Variants in TXNRD1 observed in about 807,000 individuals in gnomAD.
The protein encoded by TXNRD1 is thioredoxin reductase 1, cytoplasmic.
Under a neutral mutation model 80.3 loss-of-function variants are expected in TXNRD1, and 57 were observed. That is an observed-to-expected ratio of 0.71 (90% CI 0.57 to 0.89). The LOEUF (loss-of-function observed/expected upper bound fraction) is 0.89. Among genes scored for constraint, TXNRD1 ranks in the 40% least tolerant of loss-of-function variants. The probability of loss-of-function intolerance (pLI) is 0.00; values close to 1 mark genes in which losing one functional copy is unlikely to be tolerated. For missense variants in TXNRD1, 730 were observed against 803.0 expected (o/e 0.91, Z 1.10); for synonymous variants, 291 against 285.2 (o/e 1.02, Z -0.20).
chr12:104,263,618 C>A (rs2033415140), intron 3 of TXNRD1, among the ~76,000 whole-genome samples: 1 of 152,162 alleles, frequency 6.6e-6, no homozygotes, highest in African/African-American at 2.4e-5. Context: ...AAGGAACAGA[C>A]AACATCAGTG....
chr12:104,261,093 A>G (rs1032474216), intron 3 of TXNRD1, among the ~76,000 whole-genome samples: 1 of 152,092 alleles, frequency 6.6e-6, no homozygotes, highest in African/African-American at 2.4e-5. Flanking sequence ...GTCCCAGAAA[A>G]TAAGCATTGG....
At chr12:104,330,350 G>C (rs1466522849) in intron 13 of TXNRD1, among the ~76,000 whole-genome samples, 2 of 152,274 alleles carry the variant, frequency 1.3e-5, no homozygotes, top group East Asian at 3.9e-4. Context: ...CATATTAAAA[G>C]TTCTGAGAAA....
intron 1 of TXNRD1, among the ~76,000 whole-genome samples, chr12:104,245,542 A>AAAAAAAAAAAT (rs1394148149): frequency 1.4e-5 from 2 of 146,752 alleles, no homozygotes; most frequent in Non-Finnish European, 3.0e-5. Flanking sequence ...AAAAAAAAAA[A>AAAAAAAAAAAT]GAATACTGAG....
chr12:104,243,747 C>A (rs982675452), intron 1 of TXNRD1, among the ~76,000 whole-genome samples: 4 of 152,178 alleles, frequency 2.6e-5, no homozygotes, highest in African/African-American at 9.7e-5. Context: ...GAGTGGCGTG[C>A]TATAAAATTT....
intron 6 of TXNRD1, among the ~76,000 whole-genome samples, chr12:104,314,160 G>C (rs562822827): frequency 2.1e-4 from 32 of 152,284 alleles, no homozygotes; most frequent in Non-Finnish European, 4.6e-4. Flanking sequence ...AGGAAGGCAG[G>C]TGTCACTATT....
At chr12:104,315,194 C>T (rs1168430421) in intron 6 of TXNRD1, among the ~76,000 whole-genome samples, 1 of 152,156 alleles carries the variant, frequency 6.6e-6, no homozygotes, top group Non-Finnish European at 1.5e-5. Flanking sequence ...CTGATAAAAT[C>T]CTTTGTAAGT....
intron 3 of TXNRD1, among the ~76,000 whole-genome samples, chr12:104,268,825 A>G (rs2135722289): frequency 6.6e-6 from 1 of 151,348 alleles, no homozygotes; most frequent in South Asian, 2.1e-4. Context: ...CGTACAGTAG[A>G]GCTTCTTTCA....
At chr12:104,258,122 C>T in intron 3 of TXNRD1, 43 bp downstream of exon 3, 1 of 1,335,300 alleles carries the variant, frequency 7.5e-7, no homozygotes, top group South Asian at 1.3e-5. Context: ...GCTGACTGTA[C>T]ATTTTATCTC....
intron 4 of TXNRD1, among the ~76,000 whole-genome samples, chr12:104,308,567 T>C (rs2035016369): frequency 6.6e-6 from 1 of 152,176 alleles, no homozygotes; most frequent in Admixed American, 6.5e-5. Flanking sequence ...TCTAATATAG[T>C]AAATAGATAA....
chr12:104,220,953 A>G (rs1279749109), intron 1 of TXNRD1, among the ~76,000 whole-genome samples: 1 of 152,144 alleles, frequency 6.6e-6, no homozygotes, highest in East Asian at 1.9e-4. Context: ...TGACTATCAC[A>G]AATCACTCTT....
At chr12:104,328,708 G>A (rs569657667) in intron 13 of TXNRD1, among the ~76,000 whole-genome samples, 2 of 144,596 alleles carry the variant, frequency 1.4e-5, no homozygotes, top group East Asian at 2.0e-4. Flanking sequence ...GCCGTGAGCC[G>A]AGATTGCACC....
At chr12:104,301,953 G>C (rs1167881794) in intron 4 of TXNRD1, among the ~76,000 whole-genome samples, 2 of 152,162 alleles carry the variant, frequency 1.3e-5, no homozygotes, top group African/African-American at 4.8e-5. Flanking sequence ...AATCTTTGCT[G>C]CCAAATAACT....
intron 1 of TXNRD1, among the ~76,000 whole-genome samples, chr12:104,228,977 C>T (rs929874102): frequency 6.6e-6 from 1 of 151,756 alleles, no homozygotes; most frequent in African/African-American, 2.4e-5. Flanking sequence ...CCTCGGCCTC[C>T]CAAAGTAGTG....
At chr12:104,267,078 A>G (rs2033508729) in intron 3 of TXNRD1, among the ~76,000 whole-genome samples, 1 of 150,674 alleles carries the variant, frequency 6.6e-6, no homozygotes, top group Non-Finnish European at 1.5e-5. Context: ...AGGCAGGAGA[A>G]TGGCCTGAAC....
At chr12:104,321,391 A>C in intron 10 of TXNRD1, 75 bp downstream of exon 10, 2 of 1,170,080 alleles carry the variant, frequency 1.7e-6, no homozygotes, top group Non-Finnish European at 2.5e-6. Context: ...AGTTGGTGGT[A>C]GAAGCATCCT....
chr12:104,248,417 T>C (rs1317460869), intron 1 of TXNRD1, among the ~76,000 whole-genome samples: 2 of 152,156 alleles, frequency 1.3e-5, no homozygotes, highest in African/African-American at 2.4e-5. Flanking sequence ...CCCAAGTAGC[T>C]GGGATTACAG....
chr12:104,224,173 C>T (rs2032418432), intron 1 of TXNRD1, among the ~76,000 whole-genome samples: 2 of 152,074 alleles, frequency 1.3e-5, no homozygotes, highest in Non-Finnish European at 1.5e-5. Flanking sequence ...AATGGTTGTT[C>T]TCTTTTACCT....
intron 15 of TXNRD1, among the ~76,000 whole-genome samples, chr12:104,337,509 A>G (rs1042899630): frequency 1.3e-5 from 2 of 152,018 alleles, no homozygotes; most frequent in Non-Finnish European, 2.9e-5. Flanking sequence ...ATCCAAAATA[A>G]TTTCTACACA....
In TXNRD1 at chr12:104,318,924, T is replaced by G; in HGVS notation, c.742T>G (p.Trp248Gly). The change falls in exon 8 of 17, where the codon TGG becomes GGG. Residue 248 changes from tryptophan (W) to glycine (G), a missense_variant. Physicochemically the swap from Trp to Gly is radical, Grantham distance 184. Transcript: ENST00000525566. ...WKVEETVKHD[W>G]DRMIEAVQNH... is the part of the protein sequence containing the mutation. Reference sequence around the variant, plus strand: ...ATTTTCTTATACAGTTAAGCATGATTGGGACAGAATGATAGAAGCTGTACA... The same window carrying G: ...ATTTTCTTATACAGTTAAGCATGATGGGGACAGAATGATAGAAGCTGTACA... 6.2e-7 allele frequency: 1 copy of G among 1,611,472 alleles called. No individual in the cohort carries two copies. The highest frequency in any genetic ancestry group is 1.7e-5 in the Admixed American group (1 of 59,312).
Sources: gnomAD v4.1 joint callset for allele counts (sites outside exome capture counted in the v4.1 genomes callset) on GRCh38, gnomAD v4.1.1 for gene constraint, MANE v1.5 for transcripts, NCBI Gene and HGNC (gene_info 2026-07-23, HGNC 2026-07-21) for gene names.